ADAM28: variants seen among roughly 807,000 people sequenced by gnomAD.
ADAM28 encodes ADAM metallopeptidase domain 28.
In ADAM28, 105 loss-of-function variants were observed where a neutral mutation model predicts 101.2. The ratio of observed to expected loss-of-function variants is 1.04; its 90% CI spans 0.89 to 1.22. The LOEUF (loss-of-function observed/expected upper bound fraction) is 1.22, where lower values mean the gene tolerates loss of function less well. Ranked by LOEUF, ADAM28 falls within the 50% of genes most tolerant of loss-of-function variation. The pLI, the probability that ADAM28 is intolerant of heterozygous loss-of-function variation, is 0.00. For synonymous variants in ADAM28, 322 were observed against 310.6 expected (o/e 1.04, Z -0.39); for missense variants, 1,028 against 945.4 (o/e 1.09, Z -1.15).
chr8:24,308,246 C>T (rs955431049), intron 2 of ADAM28, among the ~76,000 whole-genome samples: 2 of 152,172 alleles, frequency 1.3e-5, no homozygotes, highest in Admixed American at 6.5e-5. Context: ...AACTAGAACA[C>T]ACTTCTTATC....
At chr8:24,321,652 T>G (rs1811897714) in intron 8 of ADAM28, among the ~76,000 whole-genome samples, 1 of 151,960 alleles carries the variant, frequency 6.6e-6, no homozygotes, top group African/African-American at 2.4e-5. Flanking sequence ...ACTGTCACAG[T>G]AGCATATTTC....
chr8:24,308,863 C>G (rs1041823330), intron 2 of ADAM28: 27 of 362,010 alleles, frequency 7.5e-5, no homozygotes, highest in African/African-American at 4.7e-4. Flanking sequence ...TCTGTGAGCT[C>G]AGATACCATA....
At chr8:24,329,909 G>C in intron 10 of ADAM28, 76 bp from the exon 11 acceptor site, 1 of 1,489,146 alleles carries the variant, frequency 6.7e-7, no homozygotes, top group South Asian at 1.3e-5. Context: ...GAGAGAGAGA[G>C]AGAGAGATGG....
At position 24,357,193 on chromosome 8, in the gene ADAM28, C is replaced by G. The variant is rs1034190364; in HGVS notation, c.*2789C>G. 1 of 152,094 alleles carries G rather than the reference C, an allele frequency of 6.6e-6. No individual in the cohort carries two copies. The highest frequency in any genetic ancestry group is 2.4e-5 in the African/African-American group (1 of 41,410). The allele number at this position is 152,094 out of a possible 1,614,324, so 9.4% of individuals were successfully genotyped here. A position where few individuals can be genotyped will look rare whatever the true frequency, so the allele number is the denominator to read the frequency against. On this transcript the variant is annotated 3_prime_UTR_variant, in exon 23 of 23. Coordinates refer to ENST00000265769, the MANE Select transcript of ADAM28 (RefSeq NM_014265.6). ...GTGAGACACCCTGAAGTAGAGGATGCAGCTAAATTTTGTCCAGATTACACA... is the reference window on the plus strand; with the variant it reads ...GTGAGACACCCTGAAGTAGAGGATGGAGCTAAATTTTGTCCAGATTACACA...
Position 24,313,486 on chromosome 8 carries a change from A to C in ADAM28, c.482A>C (p.Asp161Ala), listed in dbSNP as rs1190519626. Residue 161 changes from aspartate (D) to alanine (A), a missense_variant, in exon 6 of 23, where the codon GAT becomes GCT. Asp to Ala is a moderately radical substitution (Grantham distance 126, BLOSUM62 -2). Transcript: ENST00000265769. Reference protein sequence around the residue: ...QEHALFKYNPDEKNYDSTCGM... With the variant: ...QEHALFKYNPAEKNYDSTCGM... ...CATGCACTCTTCAAGTATAACCCTG[A>C]TGAAAAGAATTATGACAGCACCTGT... The C allele has an allele frequency of 4.3e-6, 7 of 1,613,810 alleles. No individual in the cohort carries two copies. Among genetic ancestry groups the C allele is most frequent in the Non-Finnish European group, 5.9e-6 (7 of 1,179,878 alleles).
chr8:24,335,109 G>A (rs1813844435), intron 13 of ADAM28, among the ~76,000 whole-genome samples: 1 of 151,730 alleles, frequency 6.6e-6, no homozygotes, highest in African/African-American at 2.4e-5. Flanking sequence ...GTTCCTGACA[G>A]AGATGCATCC....
chr8:24,343,809 T>C (rs1262995966), intron 18 of ADAM28, among the ~76,000 whole-genome samples: 1 of 152,244 alleles, frequency 6.6e-6, no homozygotes, highest in Non-Finnish European at 1.5e-5. Context: ...TCAACCTTTA[T>C]ATTTGTAATC....
intron 21 of ADAM28, 145 bp downstream of exon 21, chr8:24,352,197 C>T (rs940030452): frequency 3.8e-6 from 3 of 791,952 alleles, no homozygotes; most frequent in South Asian, 1.9e-5. Flanking sequence ...AATTCTTCTG[C>T]AAAATATTTT....
chr8:24,340,275 G>A (rs890588045), intron 15 of ADAM28, among the ~76,000 whole-genome samples: 4 of 152,112 alleles, frequency 2.6e-5, no homozygotes, highest in Admixed American at 6.5e-5. Flanking sequence ...ATTTCCCAAA[G>A]TTTGTCTATT....
chr8:24,343,604 T>G lies in ADAM28; in HGVS notation c.1990+20T>G, dbSNP rs763624223. Reference sequence around the variant, plus strand: ...TCTTCCGTAGGTAACATTACACATCTAACCTGAGAAAATTGCTCTCCTCTT... The same window carrying G: ...TCTTCCGTAGGTAACATTACACATCGAACCTGAGAAAATTGCTCTCCTCTT... On this transcript the variant is annotated intron_variant, in intron 18 of 22. Coordinates refer to ENST00000265769, the MANE Select transcript of ADAM28 (RefSeq NM_014265.6). The G allele has an allele frequency of 1.1e-5, 17 of 1,611,064 alleles. No homozygotes were observed. The South Asian group carries it at 1.6e-4, about 16-fold the overall frequency.
At chr8:24,317,703 T>G (rs1811342818) in intron 6 of ADAM28, among the ~76,000 whole-genome samples, 1 of 151,944 alleles carries the variant, frequency 6.6e-6, no homozygotes, top group East Asian at 1.9e-4. Context: ...ACGAAAAAGC[T>G]TCTGCACAGC....
Position 24,356,242 on chromosome 8 carries a change from G to A in ADAM28, c.*1838G>A, listed in dbSNP as rs1315537235. 6.6e-6 allele frequency: 1 copy of A among 152,144 alleles called. No homozygotes were observed. The highest frequency in any genetic ancestry group is 2.4e-5 in the African/African-American group (1 of 41,430). The allele number at this position is 152,144 out of a possible 1,614,324, so 9.4% of individuals were successfully genotyped here. ...TCCCTATTTCCTGGAAAGCCATTAT[G>A]TACTCGTGACCAACTTGTGAACTTT... On this transcript the variant is annotated 3_prime_UTR_variant, in exon 23 of 23. Coordinates refer to ENST00000265769, the MANE Select transcript of ADAM28 (RefSeq NM_014265.6).
At chr8:24,327,650 C>T (rs963268708) in intron 10 of ADAM28, among the ~76,000 whole-genome samples, 1 of 152,094 alleles carries the variant, frequency 6.6e-6, no homozygotes, top group Non-Finnish European at 1.5e-5. Context: ...TACAAGGCTA[C>T]AGTAAGCAAA....
intron 21 of ADAM28, 140 bp downstream of exon 21, chr8:24,352,192 T>G: frequency 1.2e-6 from 1 of 801,510 alleles, no homozygotes; most frequent in Non-Finnish European, 1.9e-6. Flanking sequence ...ATACAAATTC[T>G]TCTGCAAAAT....
intron 2 of ADAM28, among the ~76,000 whole-genome samples, chr8:24,302,529 A>G (rs1808922886): frequency 2.0e-5 from 3 of 152,316 alleles, no homozygotes; most frequent in Admixed American, 1.3e-4. Flanking sequence ...GTCTTCCACA[A>G]CGGTTGAACT....
intron 14 of ADAM28, chr8:24,336,165 T>C: frequency 1.0e-6 from 1 of 985,398 alleles, no homozygotes; most frequent in Non-Finnish European, 1.2e-6. Context: ...GTGAAAGTTC[T>C]TAAATGGTCG....
At chr8:24,314,924 C>CA (rs74273500) in intron 6 of ADAM28, among the ~76,000 whole-genome samples, 19,488 of 105,014 alleles carry the variant, frequency 0.19, 1,345 homozygotes, top group Middle Eastern at 0.3. Context: ...ACGGTAAATA[C>CA]AAAAAAAAAA....
chr8:24,337,766 G>GTAAT (rs915677308), intron 14 of ADAM28, among the ~76,000 whole-genome samples: 2 of 152,154 alleles, frequency 1.3e-5, no homozygotes, highest in Non-Finnish European at 2.9e-5. Flanking sequence ...AACTTTGTAA[G>GTAAT]TAATTTAAAA....
intron 13 of ADAM28, among the ~76,000 whole-genome samples, chr8:24,333,370 C>T (rs1813617994): frequency 6.6e-6 from 1 of 152,166 alleles, no homozygotes; most frequent in Non-Finnish European, 1.5e-5. Context: ...GAGACCGATA[C>T]ATCAATTTGT....
Sources: gnomAD v4.1 joint callset for allele counts (sites outside exome capture counted in the v4.1 genomes callset) on GRCh38, gnomAD v4.1.1 for gene constraint, MANE v1.5 for transcripts, NCBI Gene and HGNC (gene_info 2026-07-23, HGNC 2026-07-21) for gene names.